Variants in STAG2 observed in about 807,000 individuals in gnomAD.
The protein encoded by STAG2 is STAG2 cohesin complex component.
Under a neutral mutation model 108.1 loss-of-function variants are expected in STAG2, and 14 were observed. The observed-to-expected ratio is 0.13, with a 90% CI of 0.09 to 0.20. The LOEUF (loss-of-function observed/expected upper bound fraction) is 0.20. Among genes scored for constraint, STAG2 ranks in the 10% least tolerant of loss-of-function variants. The pLI, the probability that STAG2 is intolerant of heterozygous loss-of-function variation, is 1.00. For missense variants in STAG2, 440 were observed against 940.9 expected (o/e 0.47, Z 6.96); for synonymous variants, 307 against 302.7 (o/e 1.01, Z -0.15).
At chrX:124,075,354 A>T (rs2058772921) in intron 25 of STAG2, among the ~76,000 whole-genome samples, 1 of 111,085 alleles carries the variant, frequency 9.0e-6, no homozygotes, top group African/African-American at 3.3e-5. Flanking sequence ...GCTCACTGCA[A>T]CCTCCACCTC....
At chrX:124,008,466 G>T (rs2056387070) in intron 1 of STAG2, among the ~76,000 whole-genome samples, 1 of 110,887 alleles carries the variant, frequency 9.0e-6, no homozygotes, top group Non-Finnish European at 1.9e-5. Context: ...GCCTGCCTCA[G>T]CCTCCCAAAG....
In STAG2 at chrX:123,983,969, C is replaced by CTTTTTTT. The variant is rs1569493164; in HGVS notation, c.-163+22117_-163+22118insTTTTTTT. Among the ~76,000 whole-genome samples, 43 of 64,603 alleles carry CTTTTTTT rather than the reference C, an allele frequency of 6.7e-4. 1 individual carries two copies. Among genetic ancestry groups the CTTTTTTT allele is most frequent in the African/African-American group, 3.0e-3 (40 of 13,515 alleles). The allele number at this position is 64,603 out of a possible 115,157, so 56.1% of individuals were successfully genotyped here. A position where few individuals can be genotyped will look rare whatever the true frequency, so the allele number is the denominator to read the frequency against. The stretch of plus-strand genomic sequence containing the variant: ...GTCAGAAAAAGAATAATTTTCTTTT[C>CTTTTTTT]TTTTCTTTTTTTTTTTTTTTTTTTT... On this transcript the variant is annotated intron_variant, in intron 1 of 34. Transcript: ENST00000371145.
At chrX:124,003,967 T>G (rs767917294) in intron 1 of STAG2, among the ~76,000 whole-genome samples, 55 of 112,005 alleles carry the variant, frequency 4.9e-4, no homozygotes, top group Middle Eastern at 4.6e-3. Context: ...ATGAAACATT[T>G]TTTGCTTTAA....
chrX:124,067,947 A>T (rs745445155), intron 23 of STAG2, among the ~76,000 whole-genome samples: 1 of 110,785 alleles, frequency 9.0e-6, no homozygotes, highest in Admixed American at 9.5e-5. Flanking sequence ...CAGGAGAATT[A>T]ATTGCCTGAA....
In STAG2 at chrX:124,051,118, T is replaced by TTTG; in HGVS notation, c.1018-3_1018-2insTTG. 3 of 925,735 alleles carry TTTG rather than the reference T, an allele frequency of 3.2e-6. No homozygotes were observed. The highest frequency in any genetic ancestry group is 4.4e-6 in the Non-Finnish European group (3 of 689,363). The allele number at this position is 925,735 out of a possible 1,213,427, so 76.3% of individuals were successfully genotyped here. ...TCTCATCTTTTTTTTTTTTTTTTTT[T>TTTG]AGCAAGGTGAAGTAAGACTCAAATG... On this transcript the variant is annotated splice_region_variant and splice_polypyrimidine_tract_variant and intron_variant, in intron 11 of 34. Coordinates refer to ENST00000371145, the MANE Select transcript of STAG2 (RefSeq NM_001042750.2).
chrX:124,002,451 T>C (rs948952949), intron 1 of STAG2, among the ~76,000 whole-genome samples: 1 of 111,747 alleles, frequency 8.9e-6, no homozygotes, highest in Non-Finnish European at 1.9e-5. Context: ...GGTGATTTTG[T>C]ATATTTGTTG....
At chrX:123,966,811 G>C (rs1253389292) in intron 1 of STAG2, among the ~76,000 whole-genome samples, 1 of 111,949 alleles carries the variant, frequency 8.9e-6, no homozygotes, top group African/African-American at 3.2e-5. Context: ...ATGTGTGCTT[G>C]CTATAGATCT....
intron 25 of STAG2, among the ~76,000 whole-genome samples, chrX:124,073,627 AGC>A (rs1464690641): frequency 1.8e-5 from 2 of 111,687 alleles, no homozygotes; most frequent in African/African-American, 6.5e-5. Flanking sequence ...CTCGCTGTGT[AGC>A]CCAGCGTGGT....
intron 13 of STAG2, 141 bp from the exon 14 acceptor site, chrX:124,055,987 C>A: frequency 4.1e-6 from 1 of 241,020 alleles, no homozygotes; most frequent in Non-Finnish European, 6.3e-6. Context: ...ATTAAATAAG[C>A]TTGATTTGGT....
At chrX:124,041,098 G>A (rs1254681868) in intron 6 of STAG2, among the ~76,000 whole-genome samples, 2 of 109,066 alleles carry the variant, frequency 1.8e-5, no homozygotes, top group African/African-American at 3.3e-5. Context: ...TGACTCGCCC[G>A]CCTCAGCCTC....
At position 124,061,295 on chromosome X, in the gene STAG2, A is replaced by G. The variant is rs2148304405; in HGVS notation, c.1488A>G (p.Glu496=). 1 of 1,209,558 alleles carries G rather than the reference A, an allele frequency of 8.3e-7. No homozygotes were observed. Among genetic ancestry groups the G allele is most frequent in the Non-Finnish European group, 1.1e-6 (1 of 893,788 alleles). ...CTACTGAGCTGCTGAAAGACTGGGA[A>G]TGTATGAATAGCTTGTTACTGGAAG... is the stretch of plus-strand genomic sequence containing the variant. ...DCATELLKDW[E]CMNSLLLEEP... The change falls in exon 16 of 35, where the codon GAA becomes GAG. Residue 496 remains glutamate (E), a synonymous_variant. Transcript: ENST00000371145.
rs1462156028 is a variant in STAG2 at position 124,009,431 on chromosome X, GTAGGTAGGTAGGTAGA to G, written c.-162-11932_-162-11917del. Among the ~76,000 whole-genome samples the G allele has an allele frequency of 7.6e-3, 407 of 53,876 alleles. 3 individuals carry two copies. The highest frequency in any genetic ancestry group is 0.03 in the Middle Eastern group (3 of 100). The allele number at this position is 53,876 out of a possible 115,157, so 46.8% of individuals were successfully genotyped here. On this transcript the variant is annotated intron_variant, in intron 1 of 34. Coordinates refer to ENST00000371145, the MANE Select transcript of STAG2 (RefSeq NM_001042750.2). ...GGTAGGTAGGTAGGTAGGTAGGTAG[GTAGGTAGGTAGGTAGA>G]TAGATAGATAGATAGATAGATAGAT... is the stretch of plus-strand genomic sequence containing the variant.
At chrX:124,050,084 A>T in intron 10 of STAG2, 102 bp from the exon 11 acceptor site, 1 of 928,856 alleles carries the variant, frequency 1.1e-6, no homozygotes, top group East Asian at 3.3e-5. Flanking sequence ...AGATAATGTC[A>T]TATTCATAGT....
At chrX:123,969,546 G>C (rs185312341) in intron 1 of STAG2, among the ~76,000 whole-genome samples, 9 of 110,890 alleles carry the variant, frequency 8.1e-5, no homozygotes, top group African/African-American at 2.9e-4. Flanking sequence ...TCACTATTAA[G>C]TTTTCTTGTT....
At chrX:124,081,624 T>G in intron 28 of STAG2, 96 bp downstream of exon 28, 1 of 662,376 alleles carries the variant, frequency 1.5e-6, no homozygotes, top group Non-Finnish European at 2.2e-6. Flanking sequence ...TAAATTAAAT[T>G]TATGCTTTAT....
In STAG2 at chrX:124,057,993, T is replaced by G. The variant is rs1270070247; in HGVS notation, c.1416+16T>G. 3 of 1,104,100 alleles carry G rather than the reference T, an allele frequency of 2.7e-6. No homozygotes were observed. 91.0% of individuals were successfully genotyped at this position (1,104,100 alleles called of 1,213,427 possible). On this transcript the variant is annotated intron_variant, in intron 15 of 34. Coordinates refer to ENST00000371145, the MANE Select transcript of STAG2 (RefSeq NM_001042750.2). Reference sequence around the variant, plus strand: ...AGAAAGTGAGGTTAGTTGATAGTATTTATTTTATACTTAGGTTCGAAAAAT... The same window carrying G: ...AGAAAGTGAGGTTAGTTGATAGTATGTATTTTATACTTAGGTTCGAAAAAT...
intron 4 of STAG2, among the ~76,000 whole-genome samples, chrX:124,029,015 T>TATATATATATA (rs1569507217): frequency 1.0e-5 from 1 of 98,321 alleles, no homozygotes; most frequent in African/African-American, 3.9e-5. Context: ...ATATATATAT[T>TATATATATATA]TATTTATTTA....
Position 124,028,824 on chromosome X carries a change from T to TATA in STAG2, c.124-2137_124-2136insATA, listed in dbSNP as rs1569507053. 5.7e-3 allele frequency among the ~76,000 whole-genome samples: 372 copies of TATA among 65,574 alleles called. 1 individual carries two copies. The highest frequency in any genetic ancestry group is 0.029 in the East Asian group (67 of 2,325). The allele number at this position is 65,574 out of a possible 115,157, so 56.9% of individuals were successfully genotyped here. On this transcript the variant is annotated intron_variant, in intron 4 of 34. Transcript: ENST00000371145. ...TATATATATATATATATATATATAT[T>TATA]TTTTTTTTTATAGAGATGGGGTCTC...
At position 124,081,395 on chromosome X, in the gene STAG2, A is replaced by T. The variant is rs764078832; in HGVS notation, c.2791A>T (p.Ile931Leu). The change falls in exon 28 of 35, where the codon ATA (isoleucine) becomes TTA (leucine). Residue 931 changes from isoleucine (I) to leucine (L), a missense_variant. Physicochemically the swap from Ile to Leu is conservative, Grantham distance 5 (BLOSUM62 2). This residue lies in a region of STAG2 where 337 missense variants were observed against 649.3 expected (regional missense o/e 0.52). Coordinates refer to ENST00000371145, the MANE Select transcript of STAG2 (RefSeq NM_001042750.2). Reference protein sequence around the residue: ...LSLQQLFNEMIQENGYNFDRS... With the variant: ...LSLQQLFNEMLQENGYNFDRS... Reference sequence around the variant, plus strand: ...TTCCAAACAGCTTTTTAATGAAATGATACAAGAAAATGGCTATAATTTTGA... The same window carrying T: ...TTCCAAACAGCTTTTTAATGAAATGTTACAAGAAAATGGCTATAATTTTGA... The T allele has an allele frequency of 1.7e-5, 20 of 1,158,503 alleles. No individual in the cohort carries two copies.
Sources: allele counts gnomAD v4.1 joint callset (sites outside exome capture counted in the v4.1 genomes callset), GRCh38; gene constraint gnomAD v4.1.1; regional missense constraint gnomAD v4.1.1; transcripts MANE v1.5; gene names NCBI Gene and HGNC (gene_info 2026-07-23, HGNC 2026-07-21).